The following ZDHHC3 variants were observed in gnomAD, a reference collection of about 807,000 sequenced individuals.
ZDHHC3 encodes zDHHC palmitoyltransferase 3.
ZDHHC3 carries 9 observed loss-of-function variants against 30.6 expected under a neutral mutation model. That is an observed-to-expected ratio of 0.29 (90% confidence interval 0.18 to 0.51). The LOEUF is 0.51. Ranked by LOEUF, ZDHHC3 falls within the 20% of genes least tolerant of loss-of-function variation. The probability of loss-of-function intolerance (pLI) is 0.97; values close to 1 mark genes in which losing one functional copy is unlikely to be tolerated. For synonymous variants in ZDHHC3, 136 were observed against 140.2 expected (o/e 0.97, Z 0.21); for missense variants, 246 against 384.2 (o/e 0.64, Z 3.01).
rs1018731165 is a variant in ZDHHC3 at position 44,922,299 on chromosome 3, G to T, written c.*4390C>A. Reference sequence around the variant, plus strand: ...TGCCCCTGGCTCTAGACTACTCACCGGCCGCCGCTCCCATCTGGAGGTCCC... The same window carrying T: ...TGCCCCTGGCTCTAGACTACTCACCTGCCGCCGCTCCCATCTGGAGGTCCC... On this transcript the variant is annotated 3_prime_UTR_variant, in exon 7 of 7. Coordinates refer to ENST00000424952, the MANE Select transcript of ZDHHC3 (RefSeq NM_001135179.2). 1.0e-6 allele frequency: 1 copy of T among 985,272 alleles called. No homozygotes were observed. Among genetic ancestry groups the T allele is most frequent in the Non-Finnish European group, 1.2e-6 (1 of 829,944 alleles). The allele number at this position is 985,272 out of a possible 1,614,324, so 61.0% of individuals were successfully genotyped here. A position where few individuals can be genotyped will look rare whatever the true frequency, so the allele number is the denominator to read the frequency against.
rs1162746525 is a variant in ZDHHC3 at position 44,917,977 on chromosome 3, G to A, written c.*8712C>T. The A allele has an allele frequency of 1.4e-5, 18 of 1,305,392 alleles. No homozygotes were observed. Among genetic ancestry groups the A allele is most frequent in the Non-Finnish European group, 1.7e-5 (17 of 988,960 alleles). 80.9% of individuals were successfully genotyped at this position (1,305,392 alleles called of 1,614,324 possible). ...CATTGTTTCGGTGTCTGACAGCGAT[G>A]TCACCTGCCGCACCATGTCTTTGTC... On this transcript the variant is annotated 3_prime_UTR_variant, in exon 7 of 7. Coordinates refer to ENST00000424952, the MANE Select transcript of ZDHHC3 (RefSeq NM_001135179.2).
At chr3:44,954,409 G>A (rs1473295528) in intron 2 of ZDHHC3, among the ~76,000 whole-genome samples, 1 of 152,142 alleles carries the variant, frequency 6.6e-6, no homozygotes, top group African/African-American at 2.4e-5. Context: ...TCAGTATTCA[G>A]TACAGTAACA....
At chr3:44,955,654 T>C (rs1433266653) in intron 2 of ZDHHC3, among the ~76,000 whole-genome samples, 2 of 152,042 alleles carry the variant, frequency 1.3e-5, no homozygotes, top group Non-Finnish European at 2.9e-5. Flanking sequence ...GACCACTTTC[T>C]AAAAAAAGAC....
intron 2 of ZDHHC3, among the ~76,000 whole-genome samples, chr3:44,953,759 A>G (rs1185700628): frequency 1.3e-5 from 2 of 152,186 alleles, no homozygotes; most frequent in Non-Finnish European, 2.9e-5. Flanking sequence ...GTTGGGATTT[A>G]TAAGTTGCTC....
chr3:44,954,375 T>C (rs1703741662), intron 2 of ZDHHC3, among the ~76,000 whole-genome samples: 2 of 152,228 alleles, frequency 1.3e-5, no homozygotes, highest in Non-Finnish European at 2.9e-5. Flanking sequence ...TATACAAATA[T>C]TATCGTGTTA....
At chr3:44,953,398 T>C (rs1703645059) in intron 2 of ZDHHC3, among the ~76,000 whole-genome samples, 1 of 152,184 alleles carries the variant, frequency 6.6e-6, no homozygotes, top group African/African-American at 2.4e-5. Context: ...AGGCCTAGGA[T>C]ACTAAGGCTG....
chr3:44,923,672 A>G lies in ZDHHC3; in HGVS notation c.*3017T>C. The G allele has an allele frequency of 1.3e-6, 1 of 746,220 alleles. No individual in the cohort carries two copies. Among genetic ancestry groups the G allele is most frequent in the Non-Finnish European group, 1.6e-6 (1 of 611,782 alleles). 46.2% of individuals were successfully genotyped at this position (746,220 alleles called of 1,614,324 possible). On this transcript the variant is annotated 3_prime_UTR_variant, in exon 7 of 7. Coordinates refer to ENST00000424952, the MANE Select transcript of ZDHHC3 (RefSeq NM_001135179.2). ...AAAAAAATTAGCCAGGCATGGTAGTACGTGCCTGTAGCCCTGGATATTCAG... is the reference window on the plus strand; with the variant it reads ...AAAAAAATTAGCCAGGCATGGTAGTGCGTGCCTGTAGCCCTGGATATTCAG...
rs374700831 is a variant in ZDHHC3, at chr3:44,925,967, G to A, written c.*722C>T. 33 of 985,718 alleles carry A rather than the reference G, an allele frequency of 3.3e-5. No individual in the cohort carries two copies. In the East Asian group the frequency reaches 3.4e-4, roughly 10 times the overall value. 61.1% of individuals were successfully genotyped at this position (985,718 alleles called of 1,614,324 possible). A position where few individuals can be genotyped will look rare whatever the true frequency, so the allele number is the denominator to read the frequency against. ...ATAAGGCATTTTGAACTGGAAAAAC[G>A]TCTTTCCTACACACTCTTCCAAATA... On this transcript the variant is annotated 3_prime_UTR_variant, in exon 7 of 7. Coordinates refer to ENST00000424952, the MANE Select transcript of ZDHHC3 (RefSeq NM_001135179.2).
intron 1 of ZDHHC3, among the ~76,000 whole-genome samples, chr3:44,967,584 A>G (rs1705064887): frequency 1.3e-5 from 2 of 152,228 alleles, no homozygotes; most frequent in African/African-American, 2.4e-5. Context: ...AATAAATGTT[A>G]CAAACATTGG....
At chr3:44,964,176 G>A (rs1704727524) in intron 1 of ZDHHC3, among the ~76,000 whole-genome samples, 1 of 152,178 alleles carries the variant, frequency 6.6e-6, no homozygotes, top group African/African-American at 2.4e-5. Flanking sequence ...TAACACATAG[G>A]TGACTAATGA....
chr3:44,962,494 GAGAAGGAA>G (rs973274149), intron 1 of ZDHHC3, among the ~76,000 whole-genome samples: 7 of 59,968 alleles, frequency 1.2e-4, no homozygotes, highest in Middle Eastern at 0.012. Context: ...GAAAGGGAGA[GAGAAGGAA>G]GGAAGGAAGG....
rs771209058 is a variant in ZDHHC3 at position 44,959,278 on chromosome 3, A to G, written c.159T>C (p.Phe53=). 1 of 1,614,232 alleles carries G rather than the reference A, an allele frequency of 6.2e-7. No individual in the cohort carries two copies. Among genetic ancestry groups the G allele is most frequent in the Non-Finnish European group, 8.5e-7 (1 of 1,180,042 alleles). The change falls in exon 2 of 7, where the codon TTT becomes TTC. Residue 53 remains phenylalanine (F), a synonymous_variant. Transcript: ENST00000424952. The surrounding 1 kb of genome is among the most constrained non-coding windows in gnomAD (Gnocchi z 4.3). ...CGIACAIVTW[F]LVLYAEFVVL... is the part of the protein sequence containing the mutation. ...CCACGAACTCCGCATAGAGGACCAG[A>G]AACCAGGTAACGATGGCACAGGCGA...
At chr3:44,927,276 C>A (rs1187063639) in intron 6 of ZDHHC3, among the ~76,000 whole-genome samples, 1 of 152,206 alleles carries the variant, frequency 6.6e-6, no homozygotes, top group Non-Finnish European at 1.5e-5. Flanking sequence ...TCGCAATCAT[C>A]ATAACCAATG....
chr3:44,925,139 G>A lies in ZDHHC3; in HGVS notation c.*1550C>T. ...GTGGATAGTCGGCCTCCCACTAAGG[G>A]TAACACCTCAAGAGAGAGCTAAATC... On this transcript the variant is annotated 3_prime_UTR_variant, in exon 7 of 7. Coordinates refer to ENST00000424952, the MANE Select transcript of ZDHHC3 (RefSeq NM_001135179.2). 3 of 985,900 alleles carry A rather than the reference G, an allele frequency of 3.0e-6. No individual in the cohort carries two copies. Among genetic ancestry groups the A allele is most frequent in the African/African-American group, 1.7e-5 (1 of 57,376 alleles). 61.1% of individuals were successfully genotyped at this position (985,900 alleles called of 1,614,324 possible). A position where few individuals can be genotyped will look rare whatever the true frequency, so the allele number is the denominator to read the frequency against.
In ZDHHC3 at chr3:44,920,450, A is replaced by C; in HGVS notation, c.*6239T>G. The C allele has an allele frequency of 1.6e-6, 2 of 1,240,028 alleles. No individual in the cohort carries two copies. The highest frequency in any genetic ancestry group is 1.5e-5 in the African/African-American group (1 of 64,922). The allele number at this position is 1,240,028 out of a possible 1,614,324, so 76.8% of individuals were successfully genotyped here. A position where few individuals can be genotyped will look rare whatever the true frequency, so the allele number is the denominator to read the frequency against. On this transcript the variant is annotated 3_prime_UTR_variant, in exon 7 of 7. Coordinates refer to ENST00000424952, the MANE Select transcript of ZDHHC3 (RefSeq NM_001135179.2). ...TGACAGACTGGCTGCATCCACACTGACTTGGACTCAAAGCCATGACCATAG... is the reference window on the plus strand; with the variant it reads ...TGACAGACTGGCTGCATCCACACTGCCTTGGACTCAAAGCCATGACCATAG...
At chr3:44,965,212 CTGTGGTCCAGAGAAT>C (rs1399022666) in intron 1 of ZDHHC3, among the ~76,000 whole-genome samples, 7 of 152,120 alleles carry the variant, frequency 4.6e-5, no homozygotes, top group Admixed American at 4.6e-4. Context: ...CAAAAACTGC[CTGTGGTCCAGAGAAT>C]TGCCTCCAGA....
In ZDHHC3 at chr3:44,923,372, G is replaced by A. The variant is rs1447419364; in HGVS notation, c.*3317C>T. Reference sequence around the variant, plus strand: ...ATTACAGGCGTGAGGGATGTCCACAGTGAGAAGTGTCCGCGCCCGGCTTAA... The same window carrying A: ...ATTACAGGCGTGAGGGATGTCCACAATGAGAAGTGTCCGCGCCCGGCTTAA... On this transcript the variant is annotated 3_prime_UTR_variant, in exon 7 of 7. Transcript: ENST00000424952. The A allele has an allele frequency of 1.0e-6, 1 of 985,280 alleles. No individual in the cohort carries two copies. Among genetic ancestry groups the A allele is most frequent in the African/African-American group, 1.7e-5 (1 of 57,238 alleles). 61.0% of individuals were successfully genotyped at this position (985,280 alleles called of 1,614,324 possible). A position where few individuals can be genotyped will look rare whatever the true frequency, so the allele number is the denominator to read the frequency against.
rs1700879393 is a variant in ZDHHC3 at position 44,925,145 on chromosome 3, C to T, written c.*1544G>A. 2 of 985,776 alleles carry T rather than the reference C, an allele frequency of 2.0e-6. No individual in the cohort carries two copies. The highest frequency in any genetic ancestry group is 1.2e-6 in the Non-Finnish European group (1 of 829,954). 61.1% of individuals were successfully genotyped at this position (985,776 alleles called of 1,614,324 possible). A position where few individuals can be genotyped will look rare whatever the true frequency, so the allele number is the denominator to read the frequency against. On this transcript the variant is annotated 3_prime_UTR_variant, in exon 7 of 7. Coordinates refer to ENST00000424952, the MANE Select transcript of ZDHHC3 (RefSeq NM_001135179.2). ...AGTCGGCCTCCCACTAAGGGTAACA[C>T]CTCAAGAGAGAGCTAAATCAGAACA...
In ZDHHC3 at chr3:44,936,875, A is replaced by AC. The variant is rs148227519; in HGVS notation, c.432-2892dup. 7.7e-3 allele frequency among the ~76,000 whole-genome samples: 1,074 copies of AC among 138,804 alleles called. 11 individuals carry two copies. Among genetic ancestry groups the AC allele is most frequent in the African/African-American group, 0.024 (904 of 37,514 alleles). 91.1% of individuals were successfully genotyped at this position (138,804 alleles called of 152,430 possible). On this transcript the variant is annotated intron_variant, in intron 3 of 6. Transcript: ENST00000424952. ...CCCCGAACATAAAATAAAAGTTAAA[A>AC]CCCCCCCCCAAAACCTGCTTGAACG...
Sources: allele counts gnomAD v4.1 joint callset (sites outside exome capture counted in the v4.1 genomes callset), GRCh38; gene constraint gnomAD v4.1.1; non-coding constraint Gnocchi (gnomAD v3.1); transcripts MANE v1.5; gene names NCBI Gene and HGNC (gene_info 2026-07-23, HGNC 2026-07-21).